Variants in NEBL observed in about 807,000 individuals in gnomAD.
NEBL encodes the protein nebulette.
Under a neutral mutation model 140.2 loss-of-function variants are expected in NEBL, and 122 were observed. The observed-to-expected ratio is 0.87, with a 90% CI of 0.75 to 1.01. The LOEUF (loss-of-function observed/expected upper bound fraction) is 1.01. Ranked by LOEUF, NEBL falls within the 50% of genes least tolerant of loss-of-function variation. NEBL has a pLI of 0.00. For missense variants in NEBL, 1,365 were observed against 1,231.3 expected, an observed-to-expected ratio of 1.11 and a Z score of -1.62; for synonymous variants, 436 against 398.9, an observed-to-expected ratio of 1.09 and a Z score of -1.11.
At chr10:20,843,753 G>A (rs2130993695) in intron 12 of NEBL, among the ~76,000 whole-genome samples, 1 of 151,982 alleles carries the variant, frequency 6.6e-6, no homozygotes, top group East Asian at 1.9e-4. Context: ...TTTAATATGT[G>A]TACACAACAT....
intron 3 of NEBL, among the ~76,000 whole-genome samples, chr10:21,202,069 T>C (rs1841746752): frequency 7.2e-5 from 11 of 152,156 alleles, no homozygotes; most frequent in Admixed American, 7.2e-4. Context: ...CTTGATGACA[T>C]GACACCAGGT....
At chr10:20,990,099 A>C (rs981974037) in intron 3 of NEBL, among the ~76,000 whole-genome samples, 4 of 152,154 alleles carry the variant, frequency 2.6e-5, no homozygotes, top group African/African-American at 9.7e-5. Flanking sequence ...ATATTATTCT[A>C]TTATGAATTA....
chr10:21,128,306 T>C (rs1291231471), intron 2 of NEBL, among the ~76,000 whole-genome samples: 1 of 152,172 alleles, frequency 6.6e-6, no homozygotes, highest in African/African-American at 2.4e-5. Context: ...ATAATAATCT[T>C]ATAGATTACA....
chr10:21,088,612 A>C (rs1475484810), intron 2 of NEBL, among the ~76,000 whole-genome samples: 1 of 152,210 alleles, frequency 6.6e-6, no homozygotes, highest in Non-Finnish European at 1.5e-5. Flanking sequence ...TGGAAACTAG[A>C]ATATTTAGTA....
At position 20,785,415 on chromosome 10, in the gene NEBL, A is replaced by G. The variant is rs2296612; in HGVS notation, c.*332T>C. On this transcript the variant is annotated 3_prime_UTR_variant, in exon 28 of 28. Coordinates refer to ENST00000377122, the MANE Select transcript of NEBL (RefSeq NM_006393.3). ...GACAGCTAAGAAGTTTCAAACACAC[A>G]CTACATTTAAGGGACAATCAACTTC... 167,597 of 324,892 alleles carry G rather than the reference A, an allele frequency of 0.52. 45,717 individuals are homozygous for G. The highest frequency in any genetic ancestry group is 0.71 in the African/African-American group (33,172 of 46,752). 20.1% of individuals were successfully genotyped at this position (324,892 alleles called of 1,614,324 possible). A position where few individuals can be genotyped will look rare whatever the true frequency, so the allele number is the denominator to read the frequency against.
upstream of NEBL, among the ~76,000 whole-genome samples, chr10:21,178,654 C>T (rs551077335): frequency 1.1e-4 from 17 of 152,344 alleles, no homozygotes; most frequent in Non-Finnish European, 7.3e-5. Flanking sequence ...TTAATTACAT[C>T]ACTTCAATGC....
intron 3 of NEBL, among the ~76,000 whole-genome samples, chr10:21,018,593 A>G (rs2131764525): frequency 6.6e-6 from 1 of 152,270 alleles, no homozygotes; most frequent in Non-Finnish European, 1.5e-5. Context: ...CTTGGAGATT[A>G]TTTCCTCTAA....
At chr10:21,044,397 TAAAAAA>T (rs57176129) in intron 2 of NEBL, among the ~76,000 whole-genome samples, 1 of 34,870 alleles carries the variant, frequency 2.9e-5, no homozygotes, top group Non-Finnish European at 4.5e-5. Context: ...AGAGTAAGAA[TAAAAAA>T]AAAAAAAAAA....
chr10:21,044,894 A>C (rs529631434), intron 2 of NEBL, among the ~76,000 whole-genome samples: 1 of 152,336 alleles, frequency 6.6e-6, no homozygotes, highest in African/African-American at 2.4e-5. Flanking sequence ...AATTGACAAA[A>C]ATACTTAATG....
At chr10:21,202,676 A>G (rs569779640) in intron 3 of NEBL, among the ~76,000 whole-genome samples, 1 of 151,936 alleles carries the variant, frequency 6.6e-6, no homozygotes, top group Admixed American at 6.5e-5. Context: ...GTTAGCCAGG[A>G]TGGTCTCGAT....
intron 26 of NEBL, among the ~76,000 whole-genome samples, chr10:20,789,250 G>T (rs140320137): frequency 3.7e-4 from 56 of 152,218 alleles, no homozygotes; most frequent in East Asian, 1.5e-3. Context: ...GAATCTATTT[G>T]TAAAGTTTGA....
At position 21,173,946 on chromosome 10, in the gene NEBL, G is replaced by C. The variant is rs1244046569; in HGVS notation, c.-113C>G. On this transcript the variant is annotated 5_prime_UTR_variant, in exon 1 of 7. Transcript: ENST00000417816. This position sits in a 1 kb window ranked among gnomAD's most constrained non-coding sequence, Gnocchi z 5.7. ...CTGGCAGGCGGGAGGGCTGCGGGCG[G>C]CGGGCGCCGGGTAGGGAGTCGGCGC... The C allele has an allele frequency of 7.2e-7, 1 of 1,388,052 alleles. No homozygotes were observed. The highest frequency in any genetic ancestry group is 3.6e-5 in the Admixed American group (1 of 27,480). 86.0% of individuals were successfully genotyped at this position (1,388,052 alleles called of 1,614,324 possible).
intron 19 of NEBL, among the ~76,000 whole-genome samples, chr10:20,820,159 A>G (rs1409833659): frequency 2.0e-5 from 3 of 152,214 alleles, no homozygotes; most frequent in Admixed American, 2.0e-4. Flanking sequence ...CTATTACTGT[A>G]TAAAGAAACC....
At chr10:21,171,954 A>G (rs1841092789) in intron 2 of NEBL, 2 of 244,042 alleles carry the variant, frequency 8.2e-6, no homozygotes, top group Non-Finnish European at 1.6e-5. Flanking sequence ...GCTAAGACCA[A>G]ATGAGCAAGA....
intron 2 of NEBL, among the ~76,000 whole-genome samples, chr10:21,114,252 A>C (rs1838176977): frequency 1.3e-5 from 2 of 152,008 alleles, no homozygotes; most frequent in Non-Finnish European, 2.9e-5. Flanking sequence ...TTCTGTTATT[A>C]ATTTCTAATT....
At position 20,868,658 on chromosome 10, in the gene NEBL, C is replaced by T. The variant is rs760658585; in HGVS notation, c.684+6G>A. On this transcript the variant is annotated splice_donor_region_variant and intron_variant, in intron 7 of 27. Transcript: ENST00000377122. The stretch of plus-strand genomic sequence containing the variant: ...AGTCATTGTGGAATCATCACTAAAG[C>T]CTTACTTGACTAGAAAGTTTAGAAG... The T allele has an allele frequency of 6.4e-7, 1 of 1,574,140 alleles. No homozygotes were observed. Among genetic ancestry groups the T allele is most frequent in the South Asian group, 1.1e-5 (1 of 90,246 alleles).
chr10:21,022,801 A>G (rs1457052591), intron 2 of NEBL, among the ~76,000 whole-genome samples: 2 of 152,010 alleles, frequency 1.3e-5, no homozygotes, highest in Non-Finnish European at 2.9e-5. Context: ...CTGTCAAGAG[A>G]TAATTTCTCA....
Position 21,125,855 on chromosome 10 carries a change from A to G in NEBL, c.164+46528T>C, listed in dbSNP as rs755206445. The G allele has an allele frequency of 2.7e-5, 43 of 1,613,178 alleles. 1 individual carries two copies. In the South Asian group the frequency reaches 4.5e-4, roughly 17 times the overall value. ...AAAGTCATTTTCAGCACCTTCTTAG[A>G]TACGTTGAACTTTTCTTTTATGCCC... On this transcript the variant is annotated intron_variant, in intron 2 of 6. Transcript: ENST00000417816.
intron 2 of NEBL, among the ~76,000 whole-genome samples, chr10:21,091,415 A>T (rs1014304854): frequency 2.0e-5 from 3 of 152,216 alleles, no homozygotes; most frequent in Non-Finnish European, 2.9e-5. Flanking sequence ...GCTAGATGTT[A>T]TGTTCTTTCT....
Sources: gnomAD v4.1 joint callset for allele counts (sites outside exome capture counted in the v4.1 genomes callset) on GRCh38, gnomAD v4.1.1 for gene constraint, Gnocchi (gnomAD v3.1) non-coding constraint, MANE v1.5 for transcripts, NCBI Gene and HGNC (gene_info 2026-07-23, HGNC 2026-07-21) for gene names.